The following SLC25A21 variants were observed in gnomAD, a reference collection of about 807,000 sequenced individuals.
SLC25A21 encodes solute carrier family 25 member 21.
In SLC25A21, 47 loss-of-function variants were observed where a neutral mutation model predicts 43.8. The observed-to-expected ratio is 1.07, with a 90% confidence interval of 0.85 to 1.37. SLC25A21 has a LOEUF of 1.37. SLC25A21 is among the 40% of genes most tolerant of loss of function. The pLI, the probability that SLC25A21 is intolerant of heterozygous loss-of-function variation, is 0.00. For missense variants in SLC25A21, 352 were observed against 350.2 expected, an observed-to-expected ratio of 1.00 and a Z score of -0.04; for synonymous variants, 131 against 121.3, an observed-to-expected ratio of 1.08 and a Z score of -0.52.
At chr14:36,910,354 A>G (rs1325061313) in intron 1 of SLC25A21, among the ~76,000 whole-genome samples, 2 of 152,112 alleles carry the variant, frequency 1.3e-5, no homozygotes, top group Non-Finnish European at 2.9e-5. Flanking sequence ...TGGACTTTAC[A>G]AGTATGAAAA....
At chr14:37,158,018 C>T (rs1011974406) in intron 1 of SLC25A21, among the ~76,000 whole-genome samples, 4 of 152,042 alleles carry the variant, frequency 2.6e-5, no homozygotes, top group Non-Finnish European at 4.4e-5. Context: ...ATACAACCTA[C>T]AAAGATTGGA....
chr14:36,871,167 T>C (rs1218934988), intron 2 of SLC25A21, among the ~76,000 whole-genome samples: 1 of 151,260 alleles, frequency 6.6e-6, no homozygotes. Context: ...CGCAAGGTGA[T>C]GGCATCAGGA....
At chr14:36,913,071 C>G (rs1387811516) in intron 1 of SLC25A21, among the ~76,000 whole-genome samples, 2 of 150,826 alleles carry the variant, frequency 1.3e-5, no homozygotes, top group African/African-American at 4.9e-5. Flanking sequence ...CAGCAGAAAA[C>G]TAAGTTTTCA....
intron 1 of SLC25A21, among the ~76,000 whole-genome samples, chr14:37,035,393 A>C (rs1455083640): frequency 6.6e-6 from 1 of 152,232 alleles, no homozygotes; most frequent in African/African-American, 2.4e-5. Context: ...TCTTCACGAG[A>C]GTAGCTATAA....
intron 1 of SLC25A21, among the ~76,000 whole-genome samples, chr14:36,890,473 G>C (rs1891044568): frequency 6.6e-6 from 1 of 152,094 alleles, no homozygotes. Flanking sequence ...GAGAGTAGAG[G>C]CTTGTTGGTC....
chr14:36,858,307 C>A (rs7144374), intron 2 of SLC25A21, among the ~76,000 whole-genome samples: 23,377 of 151,974 alleles, frequency 0.15, 2,956 homozygotes, highest in African/African-American at 0.33. Context: ...GAAGGTTCTC[C>A]GAAGTGAACC....
intron 2 of SLC25A21, among the ~76,000 whole-genome samples, chr14:36,824,542 G>C (rs1888753586): frequency 6.6e-6 from 1 of 152,040 alleles, no homozygotes; most frequent in Non-Finnish European, 1.5e-5. Context: ...ATCTATCCCA[G>C]TGTGTCCTCT....
At chr14:36,761,919 G>C (rs1886172602) in intron 3 of SLC25A21, among the ~76,000 whole-genome samples, 1 of 152,132 alleles carries the variant, frequency 6.6e-6, no homozygotes, top group Non-Finnish European at 1.5e-5. Context: ...CCTGCTGCCA[G>C]ATTTCTGCTT....
At chr14:36,983,628 A>G (rs1255113060) in intron 1 of SLC25A21, among the ~76,000 whole-genome samples, 2 of 152,186 alleles carry the variant, frequency 1.3e-5, no homozygotes, top group Admixed American at 1.3e-4. Flanking sequence ...CAGCAATCCC[A>G]TGACTGGGTA....
intron 1 of SLC25A21, among the ~76,000 whole-genome samples, chr14:36,958,679 GCACACACACA>G (rs71124786): frequency 0.11 from 15,649 of 136,796 alleles, 941 homozygotes; most frequent in Non-Finnish European, 0.13. Flanking sequence ...AAGCACACGT[GCACACACACA>G]CACACACACA....
intron 2 of SLC25A21, among the ~76,000 whole-genome samples, chr14:36,839,410 T>C (rs1889310530): frequency 6.6e-6 from 1 of 152,244 alleles, no homozygotes; most frequent in Non-Finnish European, 1.5e-5. Flanking sequence ...TTATTTTGAC[T>C]GTTAAATCAT....
chr14:36,884,740 A>G (rs1244310007), intron 1 of SLC25A21, among the ~76,000 whole-genome samples: 1 of 151,996 alleles, frequency 6.6e-6, no homozygotes, highest in Non-Finnish European at 1.5e-5. Context: ...GATGATGAGC[A>G]TTTTTCTATA....
chr14:37,069,467 C>A (rs1489837804), intron 1 of SLC25A21, among the ~76,000 whole-genome samples: 1 of 152,168 alleles, frequency 6.6e-6, no homozygotes, highest in East Asian at 1.9e-4. Flanking sequence ...TAAAAACATG[C>A]CAGCATATTG....
intron 1 of SLC25A21, among the ~76,000 whole-genome samples, chr14:37,115,383 C>T (rs1014342009): frequency 7.2e-5 from 11 of 152,240 alleles, no homozygotes; most frequent in African/African-American, 2.6e-4. Context: ...TAAACAACAA[C>T]AGGAATTTGT....
At chr14:37,014,142 C>A (rs1960794704) in intron 1 of SLC25A21, among the ~76,000 whole-genome samples, 2 of 152,064 alleles carry the variant, frequency 1.3e-5, no homozygotes, top group South Asian at 2.1e-4. Context: ...AAGATTGGGG[C>A]AGCTGTGGCA....
chr14:37,072,523 T>C (rs1471937715), intron 1 of SLC25A21, among the ~76,000 whole-genome samples: 1 of 152,124 alleles, frequency 6.6e-6, no homozygotes, highest in Non-Finnish European at 1.5e-5. Flanking sequence ...TCCCAGCACT[T>C]TGGGAGGCCA....
At position 37,040,042 on chromosome 14, in the gene SLC25A21, A is replaced by T. The variant is rs555741271; in HGVS notation, c.70+132239T>A. On this transcript the variant is annotated intron_variant, in intron 1 of 9. Transcript: ENST00000331299. ...AAACCCCATCTCTACTAAAAATATA[A>T]AAAAAAAATTAGCTGCGTGTGGTGG... Among the ~76,000 whole-genome samples, 176 of 46,992 alleles carry T rather than the reference A, an allele frequency of 3.7e-3. No homozygotes were observed. In the African/African-American group the frequency reaches 0.056, roughly 15 times the overall value. The allele number at this position is 46,992 out of a possible 152,430, so 30.8% of individuals were successfully genotyped here. A position where few individuals can be genotyped will look rare whatever the true frequency, so the allele number is the denominator to read the frequency against.
intron 4 of SLC25A21, among the ~76,000 whole-genome samples, chr14:36,731,372 T>G (rs1268926759): frequency 6.6e-6 from 1 of 152,236 alleles, no homozygotes; most frequent in East Asian, 1.9e-4. Context: ...ATCCAGGTTA[T>G]GCTGCTTAGC....
intron 2 of SLC25A21, among the ~76,000 whole-genome samples, chr14:36,826,397 G>A (rs1206708831): frequency 6.6e-6 from 1 of 152,146 alleles, no homozygotes; most frequent in East Asian, 1.9e-4. Context: ...GTTTTGTGCT[G>A]TTTTCTCTCT....
Sources: allele counts gnomAD v4.1 joint callset (sites outside exome capture counted in the v4.1 genomes callset), GRCh38; gene constraint gnomAD v4.1.1; transcripts MANE v1.5; gene names NCBI Gene and HGNC (gene_info 2026-07-23, HGNC 2026-07-21).